The following SV2C variants were observed in gnomAD, a reference collection of about 807,000 sequenced individuals.
The protein encoded by SV2C is solute carrier family 22 member B3.
A neutral mutation model predicts 79.7 loss-of-function variants in SV2C; 49 were observed. That is an observed-to-expected ratio of 0.61 (90% confidence interval 0.49 to 0.78). SV2C has a LOEUF of 0.78. Among genes scored for constraint, SV2C ranks in the 30% least tolerant of loss-of-function variants. SV2C has a pLI of 0.00. For missense variants in SV2C, 833 were observed against 912.9 expected, an observed-to-expected ratio of 0.91 and a Z score of 1.13; for synonymous variants, 334 against 333.2, an observed-to-expected ratio of 1.00 and a Z score of -0.03.
chr5:76,164,122 C>G (rs1328682245), intron 2 of SV2C, among the ~76,000 whole-genome samples: 1 of 152,188 alleles, frequency 6.6e-6, no homozygotes, highest in Non-Finnish European at 1.5e-5. Flanking sequence ...AGTCAGCTGT[C>G]AAGTTTAAGC....
chr5:76,018,584 A>T, the SV2C span, among the ~76,000 whole-genome samples: 1 of 152,228 alleles, frequency 6.6e-6, no homozygotes, highest in African/African-American at 2.4e-5. Context: ...TACAACATAT[A>T]AATTATAGAG....
chr5:75,968,592 T>C, the SV2C span, among the ~76,000 whole-genome samples: 1 of 151,882 alleles, frequency 6.6e-6, no homozygotes, highest in Non-Finnish European at 1.5e-5. Context: ...GAAGATGAAA[T>C]GAATGAAATG....
At chr5:75,923,569 G>A in the SV2C span, among the ~76,000 whole-genome samples, 1 of 151,766 alleles carries the variant, frequency 6.6e-6, no homozygotes, top group Admixed American at 6.6e-5. Context: ...AAACAAATCA[G>A]CATAAAAAAA....
the SV2C span, among the ~76,000 whole-genome samples, chr5:75,932,263 C>T: frequency 6.6e-6 from 1 of 152,224 alleles, no homozygotes; most frequent in Non-Finnish European, 1.5e-5. Flanking sequence ...CAACTCTGGG[C>T]AACTCTGGAT....
At chr5:75,914,368 A>G in the SV2C span, among the ~76,000 whole-genome samples, 2 of 152,198 alleles carry the variant, frequency 1.3e-5, no homozygotes, top group Non-Finnish European at 2.9e-5. Flanking sequence ...ATATTCAATC[A>G]AATTATATTA....
intron 1 of SV2C, among the ~76,000 whole-genome samples, chr5:76,093,619 C>T (rs930068315): frequency 6.6e-6 from 1 of 152,174 alleles, no homozygotes; most frequent in African/African-American, 2.4e-5. Flanking sequence ...AATATGAACT[C>T]ATTCCAGTGA....
At chr5:76,271,616 C>CTTTTTTTTTTTTTTTTTTTTTTTTT (rs34458409) in intron 4 of SV2C, among the ~76,000 whole-genome samples, 2 of 96,062 alleles carry the variant, frequency 2.1e-5, no homozygotes, top group Non-Finnish European at 2.0e-5. Context: ...AGCATGTGTT[C>CTTTTTTTTTTTTTTTTTTTTTTTTT]TTTTTTTTTT....
At chr5:76,032,499 TG>T in the SV2C span, among the ~76,000 whole-genome samples, 1 of 152,172 alleles carries the variant, frequency 6.6e-6, no homozygotes, top group South Asian at 2.1e-4. Context: ...TATGCGGTGT[TG>T]GGTTTTTTGT....
chr5:76,240,502 C>T (rs755941666), intron 4 of SV2C, among the ~76,000 whole-genome samples: 3 of 152,200 alleles, frequency 2.0e-5, no homozygotes, highest in Admixed American at 1.3e-4. Context: ...CAACCCTCAA[C>T]TAAAAGACAA....
At chr5:76,065,095 G>A in the SV2C span, among the ~76,000 whole-genome samples, 2 of 152,112 alleles carry the variant, frequency 1.3e-5, no homozygotes, top group African/African-American at 2.4e-5. Flanking sequence ...GAATGTTTTG[G>A]TTCCCCAAAA....
the SV2C span, among the ~76,000 whole-genome samples, chr5:76,069,549 C>A: frequency 2.0e-5 from 3 of 152,180 alleles, no homozygotes; most frequent in Non-Finnish European, 4.4e-5. Context: ...GGCAGCTTAT[C>A]CCTCCACTTG....
chr5:75,891,461 T>C, the SV2C span, among the ~76,000 whole-genome samples: 1 of 152,118 alleles, frequency 6.6e-6, no homozygotes, highest in African/African-American at 2.4e-5. Context: ...TCATTTTGGT[T>C]TATCCAAGTA....
the SV2C span, among the ~76,000 whole-genome samples, chr5:76,077,985 G>T: frequency 6.6e-6 from 1 of 152,234 alleles, no homozygotes; most frequent in Non-Finnish European, 1.5e-5. Flanking sequence ...GATTAAGGCA[G>T]GATTAGTGTT....
the SV2C span, among the ~76,000 whole-genome samples, chr5:75,999,009 T>C: frequency 6.6e-6 from 1 of 152,128 alleles, no homozygotes; most frequent in African/African-American, 2.4e-5. Context: ...CTCACAATCA[T>C]GGCAGAAGGC....
intron 12 of SV2C, among the ~76,000 whole-genome samples, chr5:76,312,272 G>T (rs541329822): frequency 2.0e-5 from 3 of 151,440 alleles, no homozygotes; most frequent in East Asian, 2.0e-4. Context: ...TTGGGGGGGG[G>T]GACAGGGTCT....
chr5:76,063,919 T>A, the SV2C span, among the ~76,000 whole-genome samples: 1 of 152,144 alleles, frequency 6.6e-6, no homozygotes, highest in African/African-American at 2.4e-5. Flanking sequence ...ATGATATCCT[T>A]TGAATTATTT....
chr5:75,876,550 C>T, the SV2C span, among the ~76,000 whole-genome samples: 16 of 152,096 alleles, frequency 1.1e-4, no homozygotes, highest in Middle Eastern at 6.8e-3. Context: ...CAAACCTTCA[C>T]GTGTACCCTC....
chr5:76,109,907 G>A (rs1748046077), intron 1 of SV2C, among the ~76,000 whole-genome samples: 1 of 152,110 alleles, frequency 6.6e-6, no homozygotes, highest in African/African-American at 2.4e-5. Flanking sequence ...GGAGTACTGG[G>A]GAACTAATAC....
At chr5:76,142,314 A>G (rs189307918) in intron 2 of SV2C, among the ~76,000 whole-genome samples, 36 of 152,354 alleles carry the variant, frequency 2.4e-4, no homozygotes, top group African/African-American at 8.7e-4. Flanking sequence ...TTTTCCAATT[A>G]AAAATTTTTT....
Sources: gnomAD v4.1 joint callset for allele counts (sites outside exome capture counted in the v4.1 genomes callset) on GRCh38, gnomAD v4.1.1 for gene constraint, MANE v1.5 for transcripts, NCBI Gene and HGNC (gene_info 2026-07-23, HGNC 2026-07-21) for gene names.